Variants in STK39 observed in about 807,000 individuals in gnomAD.
STK39 encodes the protein serine/threonine kinase 39, also known as STE20/SPS1-related proline-alanine-rich protein kinase.
STK39 carries 20 observed loss-of-function variants against 77.8 expected under a neutral mutation model. The observed-to-expected ratio is 0.26, with a 90% CI of 0.18 to 0.37. The LOEUF is 0.37. STK39 is among the 10% of genes least tolerant of loss of function. The pLI, the probability that STK39 is intolerant of heterozygous loss-of-function variation, is 1.00. For missense variants in STK39, 479 were observed against 656.5 expected (o/e 0.73, Z 2.95); for synonymous variants, 246 against 234.1 (o/e 1.05, Z -0.47).
chr2:168,069,792 C>G (rs1387393820), intron 12 of STK39, among the ~76,000 whole-genome samples: 2 of 152,134 alleles, frequency 1.3e-5, no homozygotes, highest in African/African-American at 4.8e-5. Context: ...TGGGTTGAGT[C>G]TAGACACTGC....
intron 16 of STK39, among the ~76,000 whole-genome samples, chr2:167,979,886 G>T (rs993736027): frequency 2.0e-5 from 3 of 152,240 alleles, no homozygotes; most frequent in Non-Finnish European, 2.9e-5. Flanking sequence ...GTGATTTCTA[G>T]AGGCACAAAG....
intron 1 of STK39, among the ~76,000 whole-genome samples, chr2:168,213,083 T>C (rs571883986): frequency 1.1e-4 from 17 of 152,358 alleles, no homozygotes; most frequent in African/African-American, 4.1e-4. Flanking sequence ...TTCACAGATG[T>C]TCCCTGCAAC....
At chr2:167,972,420 C>T (rs1185886413) in intron 16 of STK39, among the ~76,000 whole-genome samples, 1 of 152,100 alleles carries the variant, frequency 6.6e-6, no homozygotes, top group Non-Finnish European at 1.5e-5. Flanking sequence ...GAAGACAGCC[C>T]AGCAAACTGG....
At chr2:168,143,168 A>G (rs1326305417) in intron 5 of STK39, among the ~76,000 whole-genome samples, 1 of 152,224 alleles carries the variant, frequency 6.6e-6, no homozygotes, top group Non-Finnish European at 1.5e-5. Context: ...ACTGGAGGAT[A>G]TGGGTAAATG....
intron 10 of STK39, chr2:168,113,088 G>A (rs1687162570): frequency 6.6e-6 from 1 of 152,090 alleles, no homozygotes; most frequent in Non-Finnish European, 1.5e-5. Context: ...CTGTTTCCCA[G>A]CCCTCTTCTC....
Position 168,247,404 on chromosome 2 carries a change from A to C in STK39, c.32T>G (p.Val11Gly). 1.7e-6 allele frequency: 2 copies of C among 1,176,720 alleles called. No homozygotes were observed. Among genetic ancestry groups the C allele is most frequent in the Non-Finnish European group, 2.1e-6 (2 of 947,328 alleles). 72.9% of individuals were successfully genotyped at this position (1,176,720 alleles called of 1,614,324 possible). A position where few individuals can be genotyped will look rare whatever the true frequency, so the allele number is the denominator to read the frequency against. Residue 11 changes from valine (V) to glycine (G), a missense_variant, in exon 1 of 18, where the codon GTC becomes GGC. By Grantham distance (109) the Val-to-Gly change is moderately radical. Transcript: ENST00000355999. ...CGGGGCCGCCTGCTGGGGAAGCTGG[A>C]CGTGCACGGGCGAGCCGCTCGGCTC... MAEPSGSPVHVQLPQQAAPVT... is the reference protein window; with the variant it reads MAEPSGSPVHGQLPQQAAPVT...
At chr2:168,079,128 T>C (rs1366912520) in intron 10 of STK39, among the ~76,000 whole-genome samples, 1 of 152,158 alleles carries the variant, frequency 6.6e-6, no homozygotes, top group African/African-American at 2.4e-5. Context: ...ATTAACGAAA[T>C]GTGACTCAGT....
At chr2:168,180,321 TG>T (rs1354823851) in intron 2 of STK39, among the ~76,000 whole-genome samples, 1 of 152,046 alleles carries the variant, frequency 6.6e-6, no homozygotes, top group African/African-American at 2.4e-5. Flanking sequence ...CACCCCAGCC[TG>T]GGCAACAGAG....
At chr2:168,230,954 C>T (rs898815410) in intron 1 of STK39, among the ~76,000 whole-genome samples, 4 of 152,140 alleles carry the variant, frequency 2.6e-5, no homozygotes, top group African/African-American at 9.7e-5. Flanking sequence ...CCTGGCTTCA[C>T]AGACCTGACT....
At chr2:168,005,574 T>C (rs1684110923) in intron 16 of STK39, among the ~76,000 whole-genome samples, 1 of 152,228 alleles carries the variant, frequency 6.6e-6, no homozygotes, top group Non-Finnish European at 1.5e-5. Context: ...ATTTATTAAA[T>C]GCCTATGTGT....
At chr2:167,955,692 T>A in intron 17 of STK39, 122 bp from the exon 18 acceptor site, 1 of 917,814 alleles carries the variant, frequency 1.1e-6, no homozygotes, top group Non-Finnish European at 1.7e-6. Context: ...GTGTCCCATT[T>A]CTTCCAGAAG....
chr2:168,040,947 C>T (rs1333676885), intron 14 of STK39, among the ~76,000 whole-genome samples: 1 of 152,090 alleles, frequency 6.6e-6, no homozygotes, highest in African/African-American at 2.4e-5. Flanking sequence ...ACTGTTAACC[C>T]ATTAAGTTAC....
intron 5 of STK39, among the ~76,000 whole-genome samples, chr2:168,141,158 T>C (rs1407935007): frequency 6.6e-6 from 1 of 152,226 alleles, no homozygotes; most frequent in Non-Finnish European, 1.5e-5. Flanking sequence ...ATTGTACAAG[T>C]AAATAATATT....
intron 16 of STK39, among the ~76,000 whole-genome samples, chr2:167,994,369 T>C (rs951883312): frequency 2.6e-5 from 4 of 152,256 alleles, no homozygotes; most frequent in Non-Finnish European, 5.9e-5. Flanking sequence ...GATTTTAATA[T>C]GTATATACAA....
intron 3 of STK39, 50 bp from the exon 4 acceptor site, chr2:168,163,930 T>C (rs1487786629): frequency 6.3e-7 from 1 of 1,590,870 alleles, no homozygotes. Flanking sequence ...CATCACCTTT[T>C]CAGAACAAGA....
chr2:168,247,165 GC>G, intron 1 of STK39, 62 bp downstream of exon 1: 3 of 1,044,820 alleles, frequency 2.9e-6, no homozygotes, highest in Non-Finnish European at 3.4e-6. Context: ...AGCATCCCGC[GC>G]CCCCTCCCGC....
At chr2:168,010,461 C>A (rs1684243685) in intron 16 of STK39, among the ~76,000 whole-genome samples, 1 of 152,218 alleles carries the variant, frequency 6.6e-6, no homozygotes. Flanking sequence ...TTCTCAGCTT[C>A]CCTCTCACAT....
chr2:168,094,856 T>C (rs1026510898), intron 10 of STK39, among the ~76,000 whole-genome samples: 1 of 152,180 alleles, frequency 6.6e-6, no homozygotes, highest in East Asian at 1.9e-4. Context: ...AATGAACTCC[T>C]GATCTTCCCT....
At chr2:168,145,739 G>C (rs909536643) in intron 5 of STK39, among the ~76,000 whole-genome samples, 1 of 152,130 alleles carries the variant, frequency 6.6e-6, no homozygotes, top group African/African-American at 2.4e-5. Flanking sequence ...GTGGTCAGCT[G>C]GCATTCTAAC....
Sources: allele counts gnomAD v4.1 joint callset (sites outside exome capture counted in the v4.1 genomes callset), GRCh38; gene constraint gnomAD v4.1.1; transcripts MANE v1.5; gene names NCBI Gene and HGNC (gene_info 2026-07-23, HGNC 2026-07-21).